Variants in LEPR observed in about 807,000 individuals in gnomAD.
LEPR encodes the protein leptin receptor, also known as OB receptor.
In LEPR, 56 loss-of-function variants were observed where a neutral mutation model predicts 114.7. The ratio of observed to expected loss-of-function variants is 0.49; its 90% confidence interval spans 0.39 to 0.61. The LOEUF is 0.61. Ranked by LOEUF, LEPR falls within the 20% of genes least tolerant of loss-of-function variation. The pLI is 0.00. For synonymous variants in LEPR, 443 were observed against 461.4 expected (o/e 0.96, Z 0.51); for missense variants, 1,202 against 1,352.9 (o/e 0.89, Z 1.75).
chr1:65,550,802 C>T (rs753615177), intron 2 of LEPR, among the ~76,000 whole-genome samples: 97 of 152,250 alleles, frequency 6.4e-4, no homozygotes, highest in Non-Finnish European at 1.0e-3. Context: ...TGCTTTGGCT[C>T]GCGCACAGCG....
intron 7 of LEPR, among the ~76,000 whole-genome samples, chr1:65,597,485 A>G (rs1656145953): frequency 6.6e-6 from 1 of 152,002 alleles, no homozygotes; most frequent in Non-Finnish European, 1.5e-5. Flanking sequence ...GCAATAATAA[A>G]TGGAGGTTGG....
At chr1:65,596,418 C>A in intron 6 of LEPR, 30 bp from the exon 7 acceptor site, 1 of 1,610,760 alleles carries the variant, frequency 6.2e-7, no homozygotes, top group East Asian at 2.2e-5. Flanking sequence ...AATTACTTGA[C>A]TTAAAAGTAT....
At chr1:65,429,820 T>C (rs573471979) in intron 2 of LEPR, 3 of 1,371,158 alleles carry the variant, frequency 2.2e-6, no homozygotes, top group East Asian at 5.1e-5. Flanking sequence ...AAAATGTAAC[T>C]GTTACTTTTC....
chr1:65,577,986 T>C (rs1162212858), intron 5 of LEPR, among the ~76,000 whole-genome samples: 1 of 150,774 alleles, frequency 6.6e-6, no homozygotes, highest in Non-Finnish European at 1.5e-5. Context: ...CAGGCCCCAG[T>C]GTGTGATGTT....
intron 6 of LEPR, among the ~76,000 whole-genome samples, chr1:65,594,588 A>C (rs1462530909): frequency 6.6e-6 from 1 of 152,130 alleles, no homozygotes; most frequent in Non-Finnish European, 1.5e-5. Context: ...GTGTGTGTAC[A>C]GAAATCAAGA....
chr1:65,440,592 A>G (rs928468486), intron 2 of LEPR, among the ~76,000 whole-genome samples: 1 of 152,170 alleles, frequency 6.6e-6, no homozygotes, highest in Non-Finnish European at 1.5e-5. Flanking sequence ...GGAGGCGGCA[A>G]TGGGCAAGAT....
At chr1:65,575,381 T>G (rs1654512497) in intron 5 of LEPR, among the ~76,000 whole-genome samples, 2 of 150,854 alleles carry the variant, frequency 1.3e-5, no homozygotes, top group Non-Finnish European at 2.9e-5. Flanking sequence ...CACACACACC[T>G]TTCTACGCAT....
At chr1:65,459,399 G>C (rs1228127632) in intron 2 of LEPR, among the ~76,000 whole-genome samples, 1 of 152,164 alleles carries the variant, frequency 6.6e-6, no homozygotes, top group African/African-American at 2.4e-5. Context: ...CCTATGGTAT[G>C]CTGGCCAAAC....
chr1:65,574,592 A>G (rs2100822890), intron 5 of LEPR, among the ~76,000 whole-genome samples: 1 of 152,286 alleles, frequency 6.6e-6, no homozygotes, highest in East Asian at 1.9e-4. Flanking sequence ...TACTAAATGC[A>G]CTCACAAAGC....
intron 2 of LEPR, among the ~76,000 whole-genome samples, chr1:65,564,160 C>G (rs1177909115): frequency 6.7e-6 from 1 of 149,114 alleles, no homozygotes; most frequent in African/African-American, 2.4e-5. Context: ...GCCTCGCTGC[C>G]GCCTTGCAGT....
chr1:65,570,931 G>T, intron 4 of LEPR, 129 bp downstream of exon 4: 1 of 761,700 alleles, frequency 1.3e-6, no homozygotes, highest in Non-Finnish European at 1.9e-6. Flanking sequence ...ATAAAATTAG[G>T]ATTCATTATG....
chr1:65,592,387 C>T (rs1254594912), intron 5 of LEPR, among the ~76,000 whole-genome samples: 25 of 148,976 alleles, frequency 1.7e-4, no homozygotes, highest in Non-Finnish European at 2.8e-4. Context: ...AAGCTGTTTT[C>T]GCTGGGTATA....
chr1:65,518,875 TTC>T (rs961831018), intron 2 of LEPR, among the ~76,000 whole-genome samples: 2 of 63,976 alleles, frequency 3.1e-5, no homozygotes, highest in African/African-American at 4.8e-5. Flanking sequence ...TTCTTTCTTT[TTC>T]TTTCTTTCTT....
chr1:65,524,895 A>G (rs2100591412), intron 2 of LEPR, among the ~76,000 whole-genome samples: 1 of 152,354 alleles, frequency 6.6e-6, no homozygotes, highest in Admixed American at 6.5e-5. Flanking sequence ...TTTAATACAT[A>G]GACAAATAAT....
chr1:65,600,298 A>T (rs1656360092), intron 8 of LEPR, among the ~76,000 whole-genome samples: 1 of 152,076 alleles, frequency 6.6e-6, no homozygotes, highest in Admixed American at 6.6e-5. Flanking sequence ...TCACGCTCAT[A>T]AATCTAATGG....
chr1:65,436,519 T>C (rs17127643), intron 2 of LEPR, among the ~76,000 whole-genome samples: 17,726 of 152,178 alleles, frequency 0.12, 1,875 homozygotes, highest in African/African-American at 0.28. Context: ...AAACTTTTAA[T>C]AGAAATAGAA....
chr1:65,498,827 C>T (rs1258086366), intron 2 of LEPR, among the ~76,000 whole-genome samples: 2 of 152,122 alleles, frequency 1.3e-5, no homozygotes, highest in African/African-American at 4.8e-5. Context: ...TGAATGTTTT[C>T]TTTAAAAGCT....
chr1:65,501,360 A>G (rs1293175222), intron 2 of LEPR, among the ~76,000 whole-genome samples: 2 of 151,662 alleles, frequency 1.3e-5, no homozygotes, highest in South Asian at 4.2e-4. Context: ...GTTCTGTGGC[A>G]GCATAACTCT....
At chr1:65,506,146 G>C (rs748790577) in intron 2 of LEPR, among the ~76,000 whole-genome samples, 68 of 152,176 alleles carry the variant, frequency 4.5e-4, no homozygotes, top group Admixed American at 1.7e-3. Context: ...AACATTAAGG[G>C]GATTCAGCTA....
Sources: allele counts gnomAD v4.1 joint callset (sites outside exome capture counted in the v4.1 genomes callset), GRCh38; gene constraint gnomAD v4.1.1; transcripts MANE v1.5; gene names NCBI Gene and HGNC (gene_info 2026-07-23, HGNC 2026-07-21).